Variants in SLCO3A1 observed in about 807,000 individuals in gnomAD.
SLCO3A1 encodes PGE1 transporter.
A neutral mutation model predicts 63.1 loss-of-function variants in SLCO3A1; 27 were observed. The ratio of observed to expected loss-of-function variants is 0.43; its 90% CI spans 0.32 to 0.59. The LOEUF (loss-of-function observed/expected upper bound fraction) is 0.59. Among genes scored for constraint, SLCO3A1 ranks in the 20% least tolerant of loss-of-function variants. SLCO3A1 has a pLI of 0.09. For synonymous variants in SLCO3A1, 473 were observed against 409.9 expected, an observed-to-expected ratio of 1.15 and a Z score of -1.86; for missense variants, 773 against 945.8, an observed-to-expected ratio of 0.82 and a Z score of 2.40.
At chr15:91,911,079 C>T (rs1002466574) in intron 1 of SLCO3A1, among the ~76,000 whole-genome samples, 4 of 152,202 alleles carry the variant, frequency 2.6e-5, no homozygotes, top group African/African-American at 7.2e-5. Context: ...GTGTCCTGTC[C>T]TATGGCAACA....
At chr15:92,153,876 A>T (rs2048339194) in intron 9 of SLCO3A1, among the ~76,000 whole-genome samples, 1 of 152,190 alleles carries the variant, frequency 6.6e-6, no homozygotes, top group Non-Finnish European at 1.5e-5. Flanking sequence ...GGACAGAAGA[A>T]GATGGAGCTG....
At chr15:92,020,044 C>T (rs1352379999) in intron 2 of SLCO3A1, among the ~76,000 whole-genome samples, 1 of 152,144 alleles carries the variant, frequency 6.6e-6, no homozygotes, top group Non-Finnish European at 1.5e-5. Context: ...GCCTGTTGAC[C>T]ATTCTCTTCC....
chr15:92,118,719 G>A (rs1161673412), intron 4 of SLCO3A1, among the ~76,000 whole-genome samples: 2 of 152,054 alleles, frequency 1.3e-5, no homozygotes, highest in East Asian at 1.9e-4. Context: ...ATGCCACCAC[G>A]GCACTGATCA....
intron 3 of SLCO3A1, among the ~76,000 whole-genome samples, chr15:92,100,940 A>G (rs1325348453): frequency 6.6e-6 from 1 of 152,190 alleles, no homozygotes; most frequent in Non-Finnish European, 1.5e-5. Flanking sequence ...CAGAAGTGAT[A>G]TATGTCCCCT....
intron 2 of SLCO3A1, among the ~76,000 whole-genome samples, chr15:91,980,216 T>A (rs2045967585): frequency 6.6e-6 from 1 of 152,156 alleles, no homozygotes; most frequent in Non-Finnish European, 1.5e-5. Context: ...GGGAGAGGCC[T>A]CGCTGCCCCG....
At chr15:91,888,052 A>C (rs1897771590) in intron 1 of SLCO3A1, among the ~76,000 whole-genome samples, 1 of 152,174 alleles carries the variant, frequency 6.6e-6, no homozygotes, top group African/African-American at 2.4e-5. Flanking sequence ...TGTTTGGCAG[A>C]TTTGAGATTA....
Position 91,882,032 on chromosome 15 carries a change from A to G in SLCO3A1, c.180+27944A>G, listed in dbSNP as rs184017756. ...GCTTTTCATTGGAGAGTTTGGTTCT[A>G]AAGCAGCCACTGAGACCAATGTTAT... On this transcript the variant is annotated intron_variant, in intron 1 of 9. Coordinates refer to ENST00000318445, the MANE Select transcript of SLCO3A1 (RefSeq NM_013272.4). The surrounding 1 kb of genome is among the most constrained non-coding windows in gnomAD (Gnocchi z 4.4). Among the ~76,000 whole-genome samples the G allele has an allele frequency of 2.6e-5, 4 of 152,324 alleles. No homozygotes were observed. Among genetic ancestry groups the G allele is most frequent in the East Asian group, 3.9e-4 (2 of 5,184 alleles).
At chr15:92,006,326 T>A (rs1053056699) in intron 2 of SLCO3A1, among the ~76,000 whole-genome samples, 2 of 152,188 alleles carry the variant, frequency 1.3e-5, no homozygotes, top group Non-Finnish European at 2.9e-5. Context: ...TAAAGATCCA[T>A]GACATAAGCT....
intron 2 of SLCO3A1, among the ~76,000 whole-genome samples, chr15:92,006,955 T>C (rs1210307444): frequency 6.6e-6 from 1 of 152,218 alleles, no homozygotes; most frequent in East Asian, 1.9e-4. Context: ...CTAAAGGAAG[T>C]AGCAGAAAGG....
At position 92,163,609 on chromosome 15, in the gene SLCO3A1, A is replaced by C. The variant is rs2048468133; in HGVS notation, c.*474A>C. 2 of 984,724 alleles carry C rather than the reference A, an allele frequency of 2.0e-6. No homozygotes were observed. Among genetic ancestry groups the C allele is most frequent in the Non-Finnish European group, 2.4e-6 (2 of 829,856 alleles). 61.0% of individuals were successfully genotyped at this position (984,724 alleles called of 1,614,324 possible). A position where few individuals can be genotyped will look rare whatever the true frequency, so the allele number is the denominator to read the frequency against. On this transcript the variant is annotated 3_prime_UTR_variant, in exon 10 of 10. Transcript: ENST00000318445. ...CATTGCCAGATTAAGCACTAGTGAC[A>C]CACCCCGTGCCACCCTCTTCCTCCA...
chr15:91,963,373 A>G (rs1274958838), intron 2 of SLCO3A1, among the ~76,000 whole-genome samples: 1 of 110,306 alleles, frequency 9.1e-6, no homozygotes, highest in African/African-American at 3.6e-5. Context: ...GGCCTGCCAC[A>G]GTTTCTCTCT....
intron 7 of SLCO3A1, among the ~76,000 whole-genome samples, chr15:92,131,196 C>T (rs1202778034): frequency 6.6e-6 from 1 of 152,156 alleles, no homozygotes; most frequent in African/African-American, 2.4e-5. Flanking sequence ...GTCGAGTACA[C>T]ATGGACACCA....
At chr15:91,937,041 C>T (rs934916111) in intron 2 of SLCO3A1, among the ~76,000 whole-genome samples, 2 of 152,158 alleles carry the variant, frequency 1.3e-5, no homozygotes, top group African/African-American at 4.8e-5. Context: ...GGCCAGAGAG[C>T]CAGGATGCCT....
At chr15:91,871,509 T>C (rs1897277720) in intron 1 of SLCO3A1, among the ~76,000 whole-genome samples, 1 of 152,132 alleles carries the variant, frequency 6.6e-6, no homozygotes, top group African/African-American at 2.4e-5. Flanking sequence ...CTCATCCTTT[T>C]CTCCCCAGCA....
chr15:92,104,639 G>C lies in SLCO3A1; in HGVS notation c.1009+97G>C. On this transcript the variant is annotated intron_variant, in intron 4 of 9. Coordinates refer to ENST00000318445, the MANE Select transcript of SLCO3A1 (RefSeq NM_013272.4). ...GGCACCCAGGACTGGGGTGCTTGGG[G>C]ACTTGGTGGAGGCAGAATAATATTG... is the stretch of plus-strand genomic sequence containing the variant. 5 of 1,273,266 alleles carry C rather than the reference G, an allele frequency of 3.9e-6. No homozygotes were observed. In the South Asian group the frequency reaches 7.5e-5, roughly 19 times the overall value. 78.9% of individuals were successfully genotyped at this position (1,273,266 alleles called of 1,614,324 possible).
Position 91,915,979 on chromosome 15 carries a change from C to T in SLCO3A1, c.181-14C>T, listed in dbSNP as rs376446450. 6.2e-6 allele frequency: 10 copies of T among 1,603,682 alleles called. No homozygotes were observed. In the African/African-American group the frequency reaches 9.4e-5, roughly 15 times the overall value. ...TCTTGGATTGGCTCTGACCTTTCTT[C>T]TTGCCCCCCTCAGGTGAGCGTCCTG... is the stretch of plus-strand genomic sequence containing the variant. On this transcript the variant is annotated splice_polypyrimidine_tract_variant and intron_variant, in intron 1 of 9. Coordinates refer to ENST00000318445, the MANE Select transcript of SLCO3A1 (RefSeq NM_013272.4).
intron 2 of SLCO3A1, among the ~76,000 whole-genome samples, chr15:91,973,435 C>A (rs1363227609): frequency 6.6e-6 from 1 of 152,156 alleles, no homozygotes; most frequent in African/African-American, 2.4e-5. Flanking sequence ...AGTCAAGATA[C>A]AATTATCTTT....
intron 2 of SLCO3A1, among the ~76,000 whole-genome samples, chr15:92,068,336 C>T (rs1189589694): frequency 6.7e-6 from 1 of 149,098 alleles, no homozygotes; most frequent in Non-Finnish European, 1.5e-5. Context: ...CCACCTTACT[C>T]CCACTTTCAG....
chr15:91,878,172 G>A (rs1047387225), intron 1 of SLCO3A1, among the ~76,000 whole-genome samples: 1 of 139,822 alleles, frequency 7.2e-6, no homozygotes. Flanking sequence ...TGCAACCTCT[G>A]CCTCCCGGGT....
Sources: allele counts gnomAD v4.1 joint callset (sites outside exome capture counted in the v4.1 genomes callset), GRCh38; gene constraint gnomAD v4.1.1; non-coding constraint Gnocchi (gnomAD v3.1); transcripts MANE v1.5; gene names NCBI Gene and HGNC (gene_info 2026-07-23, HGNC 2026-07-21).